Variants in FUT8 observed in about 807,000 individuals in gnomAD.
FUT8 encodes alpha-(1,6)-fucosyltransferase.
Under a neutral mutation model 71.3 loss-of-function variants are expected in FUT8, and 29 were observed. The observed-to-expected ratio is 0.41, with a 90% CI of 0.30 to 0.55. FUT8 has a LOEUF of 0.55. Among genes scored for constraint, FUT8 ranks in the 20% least tolerant of loss-of-function variants. FUT8 has a pLI of 0.34. For synonymous variants in FUT8, 254 were observed against 239.3 expected (o/e 1.06, Z -0.57); for missense variants, 544 against 702.1 (o/e 0.77, Z 2.55).
intron 10 of FUT8, among the ~76,000 whole-genome samples, chr14:65,740,456 A>G (rs960195093): frequency 3.9e-5 from 6 of 152,066 alleles, no homozygotes; most frequent in African/African-American, 1.2e-4. Flanking sequence ...GATAAGAGTT[A>G]AGAATAGGCA....
chr14:65,468,465 T>G (rs1248316464), intron 2 of FUT8: 2 of 332,560 alleles, frequency 6.0e-6, no homozygotes, highest in Non-Finnish European at 1.1e-5. Context: ...AGAGAAAGTT[T>G]GATCTAATTC....
At chr14:65,641,007 A>G (rs918379779) in intron 6 of FUT8, among the ~76,000 whole-genome samples, 1 of 152,098 alleles carries the variant, frequency 6.6e-6, no homozygotes, top group Non-Finnish European at 1.5e-5. Flanking sequence ...TTTCTTCTAC[A>G]GCCTTATTGA....
the FUT8 span, among the ~76,000 whole-genome samples, chr14:65,370,846 A>C: frequency 6.6e-6 from 1 of 152,206 alleles, no homozygotes; most frequent in Non-Finnish European, 1.5e-5. Flanking sequence ...TAAGTAACTC[A>C]AAGTGGGTGG....
chr14:65,674,490 C>A (rs1892618006), intron 7 of FUT8, among the ~76,000 whole-genome samples: 2 of 152,190 alleles, frequency 1.3e-5, no homozygotes, highest in Non-Finnish European at 2.9e-5. Context: ...AGATGAAAAT[C>A]ATGCCTTTAT....
intron 10 of FUT8, among the ~76,000 whole-genome samples, chr14:65,736,625 A>G (rs1896230172): frequency 6.6e-6 from 1 of 152,030 alleles, no homozygotes; most frequent in African/African-American, 2.4e-5. Flanking sequence ...TAGTATTTGA[A>G]GTAAATGTGT....
chr14:65,650,172 G>T (rs1332976123), intron 6 of FUT8, among the ~76,000 whole-genome samples: 1 of 151,768 alleles, frequency 6.6e-6, no homozygotes, highest in Non-Finnish European at 1.5e-5. Context: ...GGTGGCACGC[G>T]CCTGTAATCC....
intron 6 of FUT8, among the ~76,000 whole-genome samples, chr14:65,663,718 T>G (rs1789140045): frequency 6.6e-6 from 1 of 152,134 alleles, no homozygotes; most frequent in Admixed American, 6.6e-5. Context: ...CAGAAAAGAA[T>G]TAATATAGTC....
intron 2 of FUT8, among the ~76,000 whole-genome samples, chr14:65,470,219 C>T (rs996847248): frequency 6.6e-5 from 10 of 152,224 alleles, no homozygotes; most frequent in African/African-American, 1.9e-4. Flanking sequence ...GGAGCCGGTG[C>T]GGGAAGTGGC....
At chr14:65,464,938 A>G (rs1475213916) in intron 2 of FUT8, among the ~76,000 whole-genome samples, 1 of 152,172 alleles carries the variant, frequency 6.6e-6, no homozygotes, top group African/African-American at 2.4e-5. Context: ...TCACGAATGA[A>G]TTATCTTGAG....
intron 2 of FUT8, among the ~76,000 whole-genome samples, chr14:65,508,120 T>G (rs1308016013): frequency 6.9e-6 from 1 of 145,282 alleles, no homozygotes; most frequent in Non-Finnish European, 1.5e-5. Flanking sequence ...CAGGCTGGAG[T>G]GCAGTAGCAT....
At chr14:65,416,937 C>A (rs890759956) in intron 1 of FUT8, among the ~76,000 whole-genome samples, 1 of 151,622 alleles carries the variant, frequency 6.6e-6, no homozygotes, top group African/African-American at 2.4e-5. Flanking sequence ...GTGCATGCCA[C>A]CATGCGTGGC....
intron 6 of FUT8, among the ~76,000 whole-genome samples, chr14:65,631,096 C>T (rs910135262): frequency 6.6e-6 from 1 of 152,204 alleles, no homozygotes; most frequent in Non-Finnish European, 1.5e-5. Context: ...GGCCATTCAT[C>T]AGAGGTGTCT....
intron 1 of FUT8, among the ~76,000 whole-genome samples, chr14:65,451,121 G>A (rs1365989426): frequency 1.3e-5 from 2 of 152,192 alleles, no homozygotes; most frequent in African/African-American, 2.4e-5. Flanking sequence ...CTCCCAAAGT[G>A]CTGGGATTAC....
the FUT8 span, among the ~76,000 whole-genome samples, chr14:65,368,806 G>A: frequency 6.6e-6 from 1 of 152,100 alleles, no homozygotes; most frequent in Non-Finnish European, 1.5e-5. Flanking sequence ...ACAGGCATGA[G>A]CCACCGCGCC....
intron 2 of FUT8, among the ~76,000 whole-genome samples, chr14:65,477,799 C>T (rs146876060): frequency 4.2e-4 from 63 of 151,434 alleles, no homozygotes; most frequent in African/African-American, 1.4e-3. Flanking sequence ...GGTGTCAAGT[C>T]AGAGGAATCT....
chr14:65,533,307 T>C (rs753320430), intron 2 of FUT8, among the ~76,000 whole-genome samples: 3 of 152,240 alleles, frequency 2.0e-5, no homozygotes, highest in Non-Finnish European at 2.9e-5. Context: ...TGTTTTCCCA[T>C]TTGTGTCATC....
intron 5 of FUT8, among the ~76,000 whole-genome samples, chr14:65,620,178 A>T (rs1452602977): frequency 6.6e-6 from 1 of 151,624 alleles, no homozygotes; most frequent in Non-Finnish European, 1.5e-5. Flanking sequence ...TTATTTTATT[A>T]TTTTTTTTAC....
intron 2 of FUT8, among the ~76,000 whole-genome samples, chr14:65,478,139 C>G (rs1315663513): frequency 1.3e-5 from 2 of 152,078 alleles, no homozygotes; most frequent in Non-Finnish European, 2.9e-5. Context: ...GCGTTCCCCC[C>G]TCTACCCCAG....
At position 65,574,172 on chromosome 14, in the gene FUT8, C is replaced by T. The variant is rs907189984; in HGVS notation, c.203+12406C>T. On this transcript the variant is annotated intron_variant, in intron 3 of 10. Transcript: ENST00000673929. This position sits in a 1 kb window ranked among gnomAD's most constrained non-coding sequence, Gnocchi z 5.2. ...GCCAGAGGCTGCCCTCAGTTCCTTT[C>T]CAAGTGGACCTCTCCAGAGGGCAGC... is the stretch of plus-strand genomic sequence containing the variant. 6.6e-6 allele frequency among the ~76,000 whole-genome samples: 1 copy of T among 152,174 alleles called. No individual in the cohort carries two copies. The highest frequency in any genetic ancestry group is 1.5e-5 in the Non-Finnish European group (1 of 68,034).
Sources: allele counts gnomAD v4.1 joint callset (sites outside exome capture counted in the v4.1 genomes callset), GRCh38; gene constraint gnomAD v4.1.1; non-coding constraint Gnocchi (gnomAD v3.1); transcripts MANE v1.5; gene names NCBI Gene and HGNC (gene_info 2026-07-23, HGNC 2026-07-21).